Variants in MAP4K3 observed in about 807,000 individuals in gnomAD.
The protein encoded by MAP4K3 is mitogen-activated protein kinase kinase kinase kinase 3.
In MAP4K3, 94 loss-of-function variants were observed where a neutral mutation model predicts 143.5. The observed-to-expected ratio is 0.65, with a 90% CI of 0.55 to 0.78. The LOEUF (loss-of-function observed/expected upper bound fraction) is 0.78, where lower values mean the gene tolerates loss of function less well. Among genes scored for constraint, MAP4K3 ranks in the 30% least tolerant of loss-of-function variants. MAP4K3 has a pLI of 0.00. For missense variants in MAP4K3, 1,077 were observed against 1,068.1 expected, an observed-to-expected ratio of 1.01 and a Z score of -0.12; for synonymous variants, 416 against 347.2, an observed-to-expected ratio of 1.20 and a Z score of -2.20.
chr2:39,298,653 A>C (rs1246925711), intron 16 of MAP4K3, among the ~76,000 whole-genome samples: 1 of 152,134 alleles, frequency 6.6e-6, no homozygotes, highest in Non-Finnish European at 1.5e-5. Context: ...TCAACTCTCT[A>C]ATGCAACTGA....
intron 3 of MAP4K3, among the ~76,000 whole-genome samples, chr2:39,350,409 C>A (rs1372231670): frequency 6.6e-6 from 1 of 152,150 alleles, no homozygotes; most frequent in Admixed American, 6.5e-5. Context: ...ATACAGAGAA[C>A]TCTGTACTAT....
At chr2:39,409,755 A>C (rs1667188036) in intron 1 of MAP4K3, among the ~76,000 whole-genome samples, 1 of 152,236 alleles carries the variant, frequency 6.6e-6, no homozygotes, top group African/African-American at 2.4e-5. Flanking sequence ...ACTAAAAATA[A>C]TTATCCATAT....
chr2:39,380,962 A>G (rs1305607798), intron 1 of MAP4K3, among the ~76,000 whole-genome samples: 1 of 152,172 alleles, frequency 6.6e-6, no homozygotes, highest in African/African-American at 2.4e-5. Flanking sequence ...ACCCATTCGC[A>G]GTCACTCCAT....
intron 2 of MAP4K3, among the ~76,000 whole-genome samples, chr2:39,361,028 A>C (rs72927123): frequency 0.097 from 14,717 of 152,214 alleles, 2,414 homozygotes; most frequent in African/African-American, 0.34. Context: ...CCTTGTCTAC[A>C]TATCTAGCAC....
chr2:39,301,953 G>A lies in MAP4K3; in HGVS notation c.1120-2152C>T, dbSNP rs367611554. 4.6e-5 allele frequency among the ~76,000 whole-genome samples: 7 copies of A among 152,108 alleles called. No homozygotes were observed. The East Asian group carries it at 9.7e-4, about 21-fold the overall frequency. ...GCAGGAGAATCGCTTGAACCCGGGA[G>A]GCGGAGGTTGCAGTGAGCCAACATT... On this transcript the variant is annotated intron_variant, in intron 15 of 33. Coordinates refer to ENST00000263881, the MANE Select transcript of MAP4K3 (RefSeq NM_003618.4).
chr2:39,436,094 C>A (rs1026512769), intron 1 of MAP4K3, among the ~76,000 whole-genome samples: 1 of 152,170 alleles, frequency 6.6e-6, no homozygotes, highest in African/African-American at 2.4e-5. Flanking sequence ...CTCTTCTTGG[C>A]AGTAACTGTG....
In MAP4K3 at chr2:39,354,294, A is replaced by T. The variant is rs546384353; in HGVS notation, c.245+1955T>A. Among the ~76,000 whole-genome samples the T allele has an allele frequency of 3.9e-5, 6 of 152,206 alleles. No homozygotes were observed. The South Asian group carries it at 8.3e-4, about 21-fold the overall frequency. On this transcript the variant is annotated intron_variant, in intron 3 of 33. Coordinates refer to ENST00000263881, the MANE Select transcript of MAP4K3 (RefSeq NM_003618.4). ...CCGTCTCTACTAAAAATACAAAAAA[A>T]TTAGCCGGGTGTGGTGGCAGGAGCC...
At chr2:39,259,666 T>C (rs1352009871) in intron 29 of MAP4K3, among the ~76,000 whole-genome samples, 1 of 152,182 alleles carries the variant, frequency 6.6e-6, no homozygotes, top group Admixed American at 6.5e-5. Context: ...TCAAAACAAT[T>C]TGATGCATGT....
chr2:39,433,066 T>C (rs1242234307), intron 1 of MAP4K3, among the ~76,000 whole-genome samples: 1 of 152,244 alleles, frequency 6.6e-6, no homozygotes. Flanking sequence ...TTCTTTACCA[T>C]AGGACTTCTC....
At chr2:39,380,162 T>C (rs1053743389) in intron 1 of MAP4K3, among the ~76,000 whole-genome samples, 1 of 152,150 alleles carries the variant, frequency 6.6e-6, no homozygotes, top group Non-Finnish European at 1.5e-5. Flanking sequence ...TCTTTTGCTT[T>C]CTATGATGTT....
intron 6 of MAP4K3, among the ~76,000 whole-genome samples, chr2:39,334,868 A>G (rs1683810989): frequency 6.6e-6 from 1 of 152,146 alleles, no homozygotes; most frequent in South Asian, 2.1e-4. Context: ...TGAATCAACA[A>G]ATGATTCAAA....
In MAP4K3 at chr2:39,299,804, A is replaced by G; in HGVS notation, c.1120-3T>C. On this transcript the variant is annotated splice_region_variant and splice_polypyrimidine_tract_variant and intron_variant, in intron 15 of 33. Transcript: ENST00000263881. ...TGTCCATATTCCAGTTGCAGATCCT[A>G]ATAGTACAAAATAAAATATTTAGCA... 6.5e-7 allele frequency: 1 copy of G among 1,531,616 alleles called. No individual in the cohort carries two copies. Among genetic ancestry groups the G allele is most frequent in the Non-Finnish European group, 8.8e-7 (1 of 1,130,622 alleles). 94.9% of individuals were successfully genotyped at this position (1,531,616 alleles called of 1,614,324 possible).
chr2:39,337,381 A>G (rs1011941205), intron 5 of MAP4K3, 145 bp downstream of exon 5: 18 of 538,486 alleles, frequency 3.3e-5, no homozygotes, highest in Middle Eastern at 9.5e-4. Flanking sequence ...TGAGTTCATT[A>G]CACAATTTTC....
rs988938334 is a variant in MAP4K3 at position 39,371,462 on chromosome 2, T to A, written c.154+6604A>T. ...GGTTCTCCAGGAAAGAGTGGAATGT[T>A]TAACTCTTGCCAATACACGTTGAAT... On this transcript the variant is annotated intron_variant, in intron 2 of 33. Coordinates refer to ENST00000263881, the MANE Select transcript of MAP4K3 (RefSeq NM_003618.4). Among the ~76,000 whole-genome samples, 3 of 152,132 alleles carry A rather than the reference T, an allele frequency of 2.0e-5. No individual in the cohort carries two copies. The East Asian group carries it at 5.8e-4, about 29-fold the overall frequency.
At chr2:39,424,544 G>A (rs1490657924) in intron 1 of MAP4K3, among the ~76,000 whole-genome samples, 1 of 151,936 alleles carries the variant, frequency 6.6e-6, no homozygotes, top group East Asian at 1.9e-4. Flanking sequence ...TTAAAAAAGG[G>A]TTAGGCCAGG....
chr2:39,363,945 C>T (rs914047313), intron 2 of MAP4K3, among the ~76,000 whole-genome samples: 1 of 124,616 alleles, frequency 8.0e-6, no homozygotes, highest in Non-Finnish European at 1.7e-5. Context: ...CAGGGAAATG[C>T]AAATCAAAAA....
chr2:39,320,566 T>C (rs999149553), intron 12 of MAP4K3, among the ~76,000 whole-genome samples: 5 of 152,128 alleles, frequency 3.3e-5, no homozygotes. Context: ...TTTTCTTTCC[T>C]TTTACTTTAT....
At chr2:39,284,860 T>C (rs1257852159) in intron 21 of MAP4K3, among the ~76,000 whole-genome samples, 1 of 151,388 alleles carries the variant, frequency 6.6e-6, no homozygotes, top group Non-Finnish European at 1.5e-5. Context: ...AATAAATAAA[T>C]AAATAAAATA....
At chr2:39,272,210 T>G in intron 26 of MAP4K3, 73 bp downstream of exon 26, 1 of 1,193,880 alleles carries the variant, frequency 8.4e-7, no homozygotes, top group Non-Finnish European at 1.2e-6. Flanking sequence ...GAGTGCTCTT[T>G]CACTTTCTGT....
Sources: allele counts gnomAD v4.1 joint callset (sites outside exome capture counted in the v4.1 genomes callset), GRCh38; gene constraint gnomAD v4.1.1; transcripts MANE v1.5; gene names NCBI Gene and HGNC (gene_info 2026-07-23, HGNC 2026-07-21).